Variants in VPS13D observed in about 807,000 individuals in gnomAD.
The protein encoded by VPS13D is vacuolar protein sorting 13 homolog D, also known as intermembrane lipid transfer protein VPS13D.
In VPS13D, 187 loss-of-function variants were observed where a neutral mutation model predicts 461.9. That is an observed-to-expected ratio of 0.40 (90% CI 0.36 to 0.46). The LOEUF (loss-of-function observed/expected upper bound fraction) is 0.46, where lower values mean the gene tolerates loss of function less well. Ranked by LOEUF, VPS13D falls within the 20% of genes least tolerant of loss-of-function variation. The pLI, the probability that VPS13D is intolerant of heterozygous loss-of-function variation, is 0.60. For synonymous variants in VPS13D, 1,951 were observed against 1,986.3 expected (o/e 0.98, Z 0.47); for missense variants, 4,711 against 5,364.9 (o/e 0.88, Z 3.81).
In VPS13D at chr1:12,505,635, G is replaced by A. The variant is rs991385317; in HGVS notation, c.12795-1218G>A. On this transcript the variant is annotated intron_variant, in intron 68 of 69. Transcript: ENST00000620676. This position sits in a 1 kb window ranked among gnomAD's most constrained non-coding sequence, Gnocchi z 4.2. ...GGGCTCACCTCGTAGTCAGCAAAGA[G>A]ACTTATCCAGGACATGTGGAAAGAA... is the stretch of plus-strand genomic sequence containing the variant. 6.6e-6 allele frequency among the ~76,000 whole-genome samples: 1 copy of A among 152,226 alleles called. No individual in the cohort carries two copies. The highest frequency in any genetic ancestry group is 2.4e-5 in the African/African-American group (1 of 41,456).
chr1:12,436,730 G>A (rs1265696917), intron 65 of VPS13D, among the ~76,000 whole-genome samples: 10 of 152,076 alleles, frequency 6.6e-5, no homozygotes, highest in Admixed American at 6.5e-4. Flanking sequence ...GTGCAATGGC[G>A]TGATCTCGGC....
rs373154977 is a variant in VPS13D, at chr1:12,276,707, C to T, written c.3119C>T (p.Ala1040Val). 49 of 1,613,990 alleles carry T rather than the reference C, an allele frequency of 3.0e-5. No homozygotes were observed. Among genetic ancestry groups the T allele is most frequent in the Non-Finnish European group, 4.1e-5 (48 of 1,180,048 alleles). The change falls in exon 19 of 70, where the codon GCC (alanine) becomes GTC (valine). Residue 1040 changes from alanine to valine, a missense_variant. Transcript: ENST00000620676. This position sits in a 1 kb window ranked among gnomAD's most constrained non-coding sequence, Gnocchi z 4.5. The stretch of plus-strand genomic sequence containing the variant: ...ACGGGAAGCCTTCGGGATAGCAGGG[C>T]CCAGTCTCCTGTCTCTGGACCGAAT... Reference protein sequence around the residue: ...IPTGSLRDSRAQSPVSGPNVA... With the variant: ...IPTGSLRDSRVQSPVSGPNVA...
intron 13 of VPS13D, among the ~76,000 whole-genome samples, chr1:12,262,450 C>T (rs893546129): frequency 1.2e-4 from 19 of 152,190 alleles, no homozygotes; most frequent in Non-Finnish European, 2.9e-5. Flanking sequence ...GAATTTTGAT[C>T]TTTTCCTGGG....
At chr1:12,476,140 C>T (rs1206507633) in intron 67 of VPS13D, among the ~76,000 whole-genome samples, 7 of 152,182 alleles carry the variant, frequency 4.6e-5, no homozygotes, top group Non-Finnish European at 1.0e-4. Context: ...TGGCAGCTCT[C>T]TTTGTCCTGG....
chr1:12,417,322 G>C (rs374959555), intron 65 of VPS13D, among the ~76,000 whole-genome samples: 1 of 152,226 alleles, frequency 6.6e-6, no homozygotes, highest in Admixed American at 6.5e-5. Flanking sequence ...CTTGCAGCTA[G>C]TTGACTGGTT....
intron 65 of VPS13D, among the ~76,000 whole-genome samples, chr1:12,428,067 GA>G (rs1426031700): frequency 6.6e-6 from 1 of 152,238 alleles, no homozygotes; most frequent in Non-Finnish European, 1.5e-5. Context: ...ATGGTAGGGA[GA>G]AAATTTAAGC....
Position 12,509,164 on chromosome 1 carries a change from C to T in VPS13D, c.*140C>T. 9.8e-7 allele frequency: 1 copy of T among 1,018,280 alleles called. No homozygotes were observed. The highest frequency in any genetic ancestry group is 1.4e-6 in the Non-Finnish European group (1 of 729,292). The allele number at this position is 1,018,280 out of a possible 1,614,324, so 63.1% of individuals were successfully genotyped here. On this transcript the variant is annotated 3_prime_UTR_variant, in exon 70 of 70. Coordinates refer to ENST00000620676, the MANE Select transcript of VPS13D (RefSeq NM_015378.4). ...CAAGGAATGAGGGAAAGTAAATCCT[C>T]ATGAGGAAAAGTACAAATGGAAATC...
intron 60 of VPS13D, among the ~76,000 whole-genome samples, chr1:12,393,863 C>T (rs1326394863): frequency 6.6e-6 from 1 of 152,112 alleles, no homozygotes; most frequent in African/African-American, 2.4e-5. Context: ...CAGGATGAGT[C>T]TGGGGACCCA....
At chr1:12,424,284 G>A (rs1356125706) in intron 65 of VPS13D, among the ~76,000 whole-genome samples, 1 of 152,170 alleles carries the variant, frequency 6.6e-6, no homozygotes, top group Non-Finnish European at 1.5e-5. Flanking sequence ...GTTGTACATA[G>A]GGAAATGACT....
intron 6 of VPS13D, among the ~76,000 whole-genome samples, chr1:12,250,471 C>A (rs1640699300): frequency 1.3e-5 from 2 of 152,204 alleles, no homozygotes; most frequent in African/African-American, 4.8e-5. Context: ...AAATATATTT[C>A]ATGTATGCCA....
At chr1:12,423,455 A>C (rs1199155633) in intron 65 of VPS13D, among the ~76,000 whole-genome samples, 1 of 152,264 alleles carries the variant, frequency 6.6e-6, no homozygotes, top group Non-Finnish European at 1.5e-5. Flanking sequence ...GTGAACTTTG[A>C]TAACTTTTAG....
intron 67 of VPS13D, among the ~76,000 whole-genome samples, chr1:12,483,445 T>C (rs774765189): frequency 6.6e-6 from 1 of 152,204 alleles, no homozygotes. Context: ...GCTTCAATCT[T>C]TTTAAACCCG....
intron 13 of VPS13D, among the ~76,000 whole-genome samples, chr1:12,265,896 C>T (rs1209123987): frequency 2.0e-5 from 3 of 152,146 alleles, no homozygotes; most frequent in Admixed American, 6.5e-5. Flanking sequence ...TGGTGGCTCA[C>T]GCCTGTAATC....
Position 12,355,934 on chromosome 1 carries a change from T to G in VPS13D, c.9715T>G (p.Leu3239Val). Residue 3239 changes from leucine to valine, a missense_variant, in exon 48 of 70, where the codon TTG becomes GTG. Physicochemically the swap from Leu to Val is conservative, Grantham distance 32. This residue lies in a region of VPS13D where 4,411 missense variants were observed against 4,937.8 expected (regional missense o/e 0.89). Coordinates refer to ENST00000620676, the MANE Select transcript of VPS13D (RefSeq NM_015378.4). ...GGAGAATTTCCCCCTCTGTAAAGAA[T>G]TGCTCATTCCACCTGGAACCCAAAA... Reference protein sequence around the residue: ...SLENFPLCKELLIPPGTQNYM... With the variant: ...SLENFPLCKEVLIPPGTQNYM... 1 of 1,608,618 alleles carries G rather than the reference T, an allele frequency of 6.2e-7. No individual in the cohort carries two copies. The highest frequency in any genetic ancestry group is 1.1e-5 in the South Asian group (1 of 90,608).
chr1:12,335,984 A>G, intron 39 of VPS13D, 157 bp downstream of exon 39: 1 of 1,098,374 alleles, frequency 9.1e-7, no homozygotes, highest in Middle Eastern at 2.5e-4. Context: ...TGCAGGAGAC[A>G]GTTTTCTGGC....
chr1:12,379,854 C>T (rs1390365137), intron 57 of VPS13D, among the ~76,000 whole-genome samples: 4 of 151,724 alleles, frequency 2.6e-5, no homozygotes, highest in Admixed American at 1.3e-4. Flanking sequence ...CTGCAAGCTC[C>T]GCCTCCCGGG....
intron 32 of VPS13D, 33 bp downstream of exon 32, chr1:12,319,663 G>A (rs754371644): frequency 1.4e-5 from 23 of 1,613,412 alleles, no homozygotes; most frequent in Admixed American, 6.7e-5. Flanking sequence ...ACAGCACTGC[G>A]TGTTGGCTCA....
intron 3 of VPS13D, 146 bp from the exon 4 acceptor site, chr1:12,244,100 T>C: frequency 2.7e-6 from 2 of 739,394 alleles, no homozygotes; most frequent in Non-Finnish European, 4.3e-6. Context: ...GTTTCACATG[T>C]GCAAGAGCCT....
At chr1:12,243,767 A>C (rs1159062420) in intron 3 of VPS13D, among the ~76,000 whole-genome samples, 1 of 152,208 alleles carries the variant, frequency 6.6e-6, no homozygotes, top group South Asian at 2.1e-4. Context: ...CTTTATTGAG[A>C]GAAGGCCAGC....
Sources: allele counts gnomAD v4.1 joint callset (sites outside exome capture counted in the v4.1 genomes callset), GRCh38; gene constraint gnomAD v4.1.1; regional missense constraint gnomAD v4.1.1; non-coding constraint Gnocchi (gnomAD v3.1); transcripts MANE v1.5; gene names NCBI Gene and HGNC (gene_info 2026-07-23, HGNC 2026-07-21).